The following TMEM242 variants were observed in gnomAD, a reference collection of about 807,000 sequenced individuals.
The protein encoded by TMEM242 is transmembrane protein 242.
TMEM242 carries 10 observed loss-of-function variants against 18.2 expected under a neutral mutation model. The observed-to-expected ratio is 0.55, with a 90% confidence interval of 0.34 to 0.93. The LOEUF (loss-of-function observed/expected upper bound fraction) is 0.93, where lower values mean the gene tolerates loss of function less well. Ranked by LOEUF, TMEM242 falls within the 40% of genes least tolerant of loss-of-function variation. The pLI, the probability that TMEM242 is intolerant of heterozygous loss-of-function variation, is 0.02. For missense variants in TMEM242, 186 were observed against 175.5 expected, an observed-to-expected ratio of 1.06 and a Z score of -0.34; for synonymous variants, 57 against 69.9, an observed-to-expected ratio of 0.81 and a Z score of 0.92.
At chr6:157,309,947 T>C (rs1011119264) in intron 3 of TMEM242, among the ~76,000 whole-genome samples, 1 of 152,146 alleles carries the variant, frequency 6.6e-6, no homozygotes, top group Non-Finnish European at 1.5e-5. Context: ...AGGTTAGCAA[T>C]GTTCATTCTG....
Position 157,290,249 on chromosome 6 carries a change from T to C in TMEM242, c.*2652A>G, listed in dbSNP as rs1777668295. 6.6e-6 allele frequency: 1 copy of C among 152,346 alleles called. No homozygotes were observed. The highest frequency in any genetic ancestry group is 2.1e-4 in the South Asian group (1 of 4,828). 9.4% of individuals were successfully genotyped at this position (152,346 alleles called of 1,614,324 possible). A position where few individuals can be genotyped will look rare whatever the true frequency, so the allele number is the denominator to read the frequency against. On this transcript the variant is annotated 3_prime_UTR_variant, in exon 4 of 4. Transcript: ENST00000400788. ...AGCCTTACCGAAAGCCTCCTTAATG[T>C]TGGCTTAGACAGGAAATGGAAATGG...
At position 157,315,632 on chromosome 6, in the gene TMEM242, T is replaced by A. The variant is rs587596124; in HGVS notation, c.327+3150A>T. ...ATTTCCTACTTATCACTGGATGACATAAAGATGCAATATAAAAGGATTCCA... is the reference window on the plus strand; with the variant it reads ...ATTTCCTACTTATCACTGGATGACAAAAAGATGCAATATAAAAGGATTCCA... On this transcript the variant is annotated intron_variant, in intron 3 of 3. Transcript: ENST00000400788. 2.6e-5 allele frequency among the ~76,000 whole-genome samples: 4 copies of A among 152,270 alleles called. No individual in the cohort carries two copies. The South Asian group carries it at 8.3e-4, about 32-fold the overall frequency.
In TMEM242 at chr6:157,290,184, C is replaced by G. The variant is rs1328328431; in HGVS notation, c.*2717G>C. ...CTAATAGCTCTTTTGGGCGCTGAGACTCTAAGTGTAAAGCTTAACACTCAC... is the reference window on the plus strand; with the variant it reads ...CTAATAGCTCTTTTGGGCGCTGAGAGTCTAAGTGTAAAGCTTAACACTCAC... On this transcript the variant is annotated 3_prime_UTR_variant, in exon 4 of 4. Transcript: ENST00000400788. 6.6e-6 allele frequency: 1 copy of G among 152,184 alleles called. No individual in the cohort carries two copies. Among genetic ancestry groups the G allele is most frequent in the African/African-American group, 2.4e-5 (1 of 41,432 alleles). The allele number at this position is 152,184 out of a possible 1,614,324, so 9.4% of individuals were successfully genotyped here.
At chr6:157,298,290 T>A (rs1207240248) in intron 3 of TMEM242, among the ~76,000 whole-genome samples, 5 of 152,222 alleles carry the variant, frequency 3.3e-5, no homozygotes, top group Non-Finnish European at 5.9e-5. Flanking sequence ...TCAGGCTTTA[T>A]TTTTAGTAAC....
intron 3 of TMEM242, among the ~76,000 whole-genome samples, chr6:157,313,343 C>G (rs868950225): frequency 3.3e-5 from 5 of 151,456 alleles, no homozygotes; most frequent in African/African-American, 7.3e-5. Flanking sequence ...TCATAGTGCC[C>G]CAGTGTGCGC....
Position 157,292,909 on chromosome 6 carries a change from A to G in TMEM242, c.418T>C (p.Ser140Pro). ...SAVEWEETLK[S>P]K is the part of the protein sequence containing the mutation. Reference sequence around the variant, plus strand: ...ATTCATCCATGCTCATCTCATTTGGATTTCAATGTTTCCTCCCACTCAACA... The same window carrying G: ...ATTCATCCATGCTCATCTCATTTGGGTTTCAATGTTTCCTCCCACTCAACA... The change falls in exon 4 of 4, where the codon TCC (serine) becomes CCC (proline). Residue 140 changes from serine to proline, a missense_variant. Transcript: ENST00000400788. 1 of 1,612,554 alleles carries G rather than the reference A, an allele frequency of 6.2e-7. No homozygotes were observed. The highest frequency in any genetic ancestry group is 1.1e-5 in the South Asian group (1 of 91,022).
At chr6:157,310,162 G>A (rs371984540) in intron 3 of TMEM242, among the ~76,000 whole-genome samples, 6 of 152,264 alleles carry the variant, frequency 3.9e-5, no homozygotes, top group East Asian at 1.9e-4. Flanking sequence ...GTATCAACAC[G>A]TACTATAAAT....
intron 3 of TMEM242, chr6:157,299,907 A>G (rs1777803448): frequency 1.2e-6 from 2 of 1,612,528 alleles, no homozygotes; most frequent in Non-Finnish European, 1.7e-6. Context: ...CTGGTAGCGC[A>G]GGCCATGCCC....
chr6:157,317,711 C>T (rs138158182), intron 3 of TMEM242, among the ~76,000 whole-genome samples: 4,939 of 152,298 alleles, frequency 0.032, 131 homozygotes, highest in Admixed American at 0.047. Flanking sequence ...AGATTGAGCT[C>T]CTGACATTAT....
At chr6:157,310,774 C>T (rs1554248438) in intron 3 of TMEM242, among the ~76,000 whole-genome samples, 1 of 137,198 alleles carries the variant, frequency 7.3e-6, no homozygotes, top group Admixed American at 7.5e-5. Flanking sequence ...ATCATAGGGT[C>T]CCAGTGTGCA....
chr6:157,299,358 T>C, intron 3 of TMEM242: 1 of 1,031,428 alleles, frequency 9.7e-7, no homozygotes, highest in South Asian at 1.3e-5. Context: ...TCAGTTCCTG[T>C]ATCAGAGTTC....
In TMEM242 at chr6:157,291,980, T is replaced by G. The variant is rs1442955758; in HGVS notation, c.*921A>C. ...CATTATTCTCCATCTGTTTTTTTTG[T>G]AGGAGACTGTGGAAGACAGGAGGGA... On this transcript the variant is annotated 3_prime_UTR_variant, in exon 4 of 4. Coordinates refer to ENST00000400788, the MANE Select transcript of TMEM242 (RefSeq NM_018452.6). The G allele has an allele frequency of 3.9e-5, 6 of 152,198 alleles. No individual in the cohort carries two copies. Among genetic ancestry groups the G allele is most frequent in the Non-Finnish European group, 7.4e-5 (5 of 68,024 alleles). The allele number at this position is 152,198 out of a possible 1,614,324, so 9.4% of individuals were successfully genotyped here.
chr6:157,301,730 G>A (rs189634611), intron 3 of TMEM242, among the ~76,000 whole-genome samples: 30 of 152,188 alleles, frequency 2.0e-4, no homozygotes, highest in Admixed American at 1.5e-3. Context: ...TCAGAAGTTC[G>A]AGACCAGCCT....
chr6:157,307,384 C>T (rs369616508), intron 3 of TMEM242, among the ~76,000 whole-genome samples: 2 of 152,142 alleles, frequency 1.3e-5, no homozygotes, highest in African/African-American at 4.8e-5. Flanking sequence ...CGCACGTTCC[C>T]ACTTGATAAA....
chr6:157,291,419 T>C lies in TMEM242; in HGVS notation c.*1482A>G, dbSNP rs2128412292. On this transcript the variant is annotated 3_prime_UTR_variant, in exon 4 of 4. Coordinates refer to ENST00000400788, the MANE Select transcript of TMEM242 (RefSeq NM_018452.6). ...AAGGATCAGGCGGTGCCCATTCTAT[T>C]CAGAGGAACCTAGATTCAGACTAAT... 6.6e-6 allele frequency: 1 copy of C among 152,364 alleles called. No homozygotes were observed. The highest frequency in any genetic ancestry group is 2.1e-4 in the South Asian group (1 of 4,832). The allele number at this position is 152,364 out of a possible 1,614,324, so 9.4% of individuals were successfully genotyped here. A position where few individuals can be genotyped will look rare whatever the true frequency, so the allele number is the denominator to read the frequency against.
intron 3 of TMEM242, among the ~76,000 whole-genome samples, chr6:157,300,503 C>T (rs1777815575): frequency 6.6e-6 from 1 of 152,248 alleles, no homozygotes; most frequent in African/African-American, 2.4e-5. Context: ...AATCAGGTTA[C>T]ATCTTCTGAA....
chr6:157,313,809 C>G (rs1554249960), intron 3 of TMEM242, among the ~76,000 whole-genome samples: 1 of 138,182 alleles, frequency 7.2e-6, no homozygotes, highest in Non-Finnish European at 1.6e-5. Context: ...GTGGCCTCAT[C>G]AGAGCGCCCC....
chr6:157,295,420 C>A (rs587718186), intron 3 of TMEM242, among the ~76,000 whole-genome samples: 1 of 152,210 alleles, frequency 6.6e-6, no homozygotes, highest in Non-Finnish European at 1.5e-5. Context: ...GGTTCTTTCT[C>A]TTCACTCTTC....
At chr6:157,315,813 C>A (rs1340630572) in intron 3 of TMEM242, among the ~76,000 whole-genome samples, 1 of 152,178 alleles carries the variant, frequency 6.6e-6, no homozygotes, top group Non-Finnish European at 1.5e-5. Flanking sequence ...TGTTTGGTAA[C>A]AAGATAGCTC....
Sources: gnomAD v4.1 joint callset for allele counts (sites outside exome capture counted in the v4.1 genomes callset) on GRCh38, gnomAD v4.1.1 for gene constraint, MANE v1.5 for transcripts, NCBI Gene and HGNC (gene_info 2026-07-23, HGNC 2026-07-21) for gene names.